The following CTNNA2 variants were observed in gnomAD, a reference collection of about 807,000 sequenced individuals.
CTNNA2 encodes catenin alpha 2.
A neutral mutation model predicts 101.0 loss-of-function variants in CTNNA2; 42 were observed. That is an observed-to-expected ratio of 0.42 (90% confidence interval 0.32 to 0.54). The LOEUF (loss-of-function observed/expected upper bound fraction) is 0.54. CTNNA2 is among the 20% of genes least tolerant of loss of function. The probability of loss-of-function intolerance (pLI) is 0.14; values close to 1 mark genes in which losing one functional copy is unlikely to be tolerated. For synonymous variants in CTNNA2, 450 were observed against 456.4 expected, an observed-to-expected ratio of 0.99 and a Z score of 0.18; for missense variants, 871 against 1,223.1, an observed-to-expected ratio of 0.71 and a Z score of 4.29.
At chr2:80,250,145 T>C (rs937343980) in intron 7 of CTNNA2, among the ~76,000 whole-genome samples, 1 of 150,940 alleles carries the variant, frequency 6.6e-6, no homozygotes, top group Non-Finnish European at 1.5e-5. Context: ...TCTGACACGA[T>C]ACACACACAC....
intron 7 of CTNNA2, among the ~76,000 whole-genome samples, chr2:80,239,779 G>C (rs371154693): frequency 6.6e-6 from 1 of 151,950 alleles, no homozygotes; most frequent in Non-Finnish European, 1.5e-5. Context: ...AGGCGTGATG[G>C]CATGTGCCTG....
intron 7 of CTNNA2, among the ~76,000 whole-genome samples, chr2:80,251,309 G>A (rs904697874): frequency 2.0e-5 from 3 of 152,066 alleles, no homozygotes; most frequent in Non-Finnish European, 4.4e-5. Context: ...GATATTGAAA[G>A]CAATAATCAA....
chr2:79,879,597 A>G (rs1683272526), intron 6 of CTNNA2, among the ~76,000 whole-genome samples: 1 of 152,088 alleles, frequency 6.6e-6, no homozygotes, highest in South Asian at 2.1e-4. Flanking sequence ...ATGGGAGTTC[A>G]TTCATGATTT....
intron 7 of CTNNA2, among the ~76,000 whole-genome samples, chr2:80,076,018 A>T (rs1364264883): frequency 6.6e-6 from 1 of 151,746 alleles, no homozygotes; most frequent in Non-Finnish European, 1.5e-5. Flanking sequence ...CTTTGGAACC[A>T]TAAGAAATAA....
chr2:79,903,104 T>C (rs879358235), intron 6 of CTNNA2, among the ~76,000 whole-genome samples: 5 of 152,232 alleles, frequency 3.3e-5, no homozygotes, highest in Non-Finnish European at 5.9e-5. Context: ...GTTTGACTCC[T>C]AGGATGTAGT....
intron 3 of CTNNA2, among the ~76,000 whole-genome samples, chr2:79,781,175 T>C (rs780311200): frequency 1.3e-5 from 2 of 152,206 alleles, no homozygotes; most frequent in Non-Finnish European, 1.5e-5. Flanking sequence ...GAATTATCCA[T>C]GCCTCCCCTT....
chr2:80,581,648 T>C, intron 13 of CTNNA2, 58 bp from the exon 14 acceptor site: 1 of 1,077,982 alleles, frequency 9.3e-7, no homozygotes, highest in East Asian at 2.4e-5. Flanking sequence ...ATGAAGTGTG[T>C]GGATGGGGGT....
At chr2:80,383,520 G>A (rs866817143) in intron 7 of CTNNA2, among the ~76,000 whole-genome samples, 6 of 152,282 alleles carry the variant, frequency 3.9e-5, no homozygotes, top group Middle Eastern at 3.4e-3. Context: ...GTAAATATAT[G>A]CATGGTTTGG....
chr2:80,336,755 G>A (rs1671794502), intron 7 of CTNNA2, among the ~76,000 whole-genome samples: 2 of 152,196 alleles, frequency 1.3e-5, no homozygotes, highest in African/African-American at 2.4e-5. Flanking sequence ...ACAGATTTGT[G>A]TAACATTAGA....
intron 2 of CTNNA2, among the ~76,000 whole-genome samples, chr2:79,297,732 C>A (rs1676015187): frequency 2.0e-5 from 3 of 152,128 alleles, no homozygotes; most frequent in South Asian, 2.1e-4. Context: ...TCTATCAAGA[C>A]AAATTCATTC....
At chr2:79,403,727 G>C (rs575106800) in intron 4 of CTNNA2, among the ~76,000 whole-genome samples, 1 of 152,072 alleles carries the variant, frequency 6.6e-6, no homozygotes, top group African/African-American at 2.4e-5. Context: ...TGAGATGCCA[G>C]GTTAGACCCA....
At position 79,488,336 on chromosome 2, in the gene CTNNA2, A is replaced by C. The variant is rs570723639; in HGVS notation, c.-134-16718A>C. Among the ~76,000 whole-genome samples, 33 of 126,990 alleles carry C rather than the reference A, an allele frequency of 2.6e-4. No individual in the cohort carries two copies. In the South Asian group the frequency reaches 7.2e-3, roughly 28 times the overall value. 83.3% of individuals were successfully genotyped at this position (126,990 alleles called of 152,430 possible). A position where few individuals can be genotyped will look rare whatever the true frequency, so the allele number is the denominator to read the frequency against. On this transcript the variant is annotated intron_variant, in intron 4 of 21. Transcript: ENST00000466387. ...TCCATCTCAAAAAAAAAAAAAAAAA[A>C]AAAAAAACACAGTTCAAACACATGT...
chr2:79,488,877 T>A (rs1276666257), intron 4 of CTNNA2, among the ~76,000 whole-genome samples: 1 of 152,222 alleles, frequency 6.6e-6, no homozygotes, highest in Admixed American at 6.5e-5. Context: ...ATTCTAGCTC[T>A]TAACAATTGT....
At chr2:80,417,015 T>C (rs1342055147) in intron 8 of CTNNA2, among the ~76,000 whole-genome samples, 1 of 152,048 alleles carries the variant, frequency 6.6e-6, no homozygotes, top group African/African-American at 2.4e-5. Flanking sequence ...ATGCAGTTTT[T>C]TCCCCCTCGT....
intron 3 of CTNNA2, among the ~76,000 whole-genome samples, chr2:79,810,955 C>G (rs1385451457): frequency 1.3e-5 from 2 of 151,432 alleles, no homozygotes; most frequent in Non-Finnish European, 2.9e-5. Flanking sequence ...GGTTCCAAGT[C>G]TTTGCTATTG....
At chr2:79,224,068 C>A (rs1674379129) in intron 2 of CTNNA2, among the ~76,000 whole-genome samples, 1 of 152,156 alleles carries the variant, frequency 6.6e-6, no homozygotes, top group Admixed American at 6.5e-5. Flanking sequence ...AAAGTTTTGC[C>A]AAAGTCTTCA....
At chr2:79,989,987 T>G (rs970454364) in intron 7 of CTNNA2, among the ~76,000 whole-genome samples, 3 of 152,170 alleles carry the variant, frequency 2.0e-5, no homozygotes, top group Admixed American at 6.5e-5. Context: ...GATGTAATAT[T>G]TGGACTTGGA....
chr2:80,163,384 T>G (rs1704458700), intron 7 of CTNNA2, among the ~76,000 whole-genome samples: 1 of 152,180 alleles, frequency 6.6e-6, no homozygotes. Context: ...AGAAGTGTGT[T>G]GTTTAGTTTT....
chr2:80,404,894 A>T (rs1482712876), intron 8 of CTNNA2, among the ~76,000 whole-genome samples: 1 of 152,140 alleles, frequency 6.6e-6, no homozygotes, highest in Non-Finnish European at 1.5e-5. Context: ...TTGCTGCAAA[A>T]CTGATTTCTC....
Sources: allele counts gnomAD v4.1 joint callset (sites outside exome capture counted in the v4.1 genomes callset), GRCh38; gene constraint gnomAD v4.1.1; transcripts MANE v1.5; gene names NCBI Gene and HGNC (gene_info 2026-07-23, HGNC 2026-07-21).